TNNI3: variants seen among roughly 807,000 people sequenced by gnomAD.
TNNI3 encodes troponin I3, cardiac type.
In TNNI3, 23 loss-of-function variants were observed where a neutral mutation model predicts 31.5. The observed-to-expected ratio is 0.73, with a 90% CI of 0.52 to 1.03. TNNI3 has a LOEUF of 1.03. Ranked by LOEUF, TNNI3 falls within the 50% of genes least tolerant of loss-of-function variation. TNNI3 has a pLI of 0.00. For synonymous variants in TNNI3, 120 were observed against 111.7 expected, an observed-to-expected ratio of 1.07 and a Z score of -0.47; for missense variants, 236 against 282.9, an observed-to-expected ratio of 0.83 and a Z score of 1.19.
chr19:55,155,194 G>C (rs1481523341), intron 5 of TNNI3, among the ~76,000 whole-genome samples: 1 of 60,722 alleles, frequency 1.6e-5, no homozygotes, highest in Admixed American at 1.3e-4. Flanking sequence ...TTCAGGGTCT[G>C]AGGGAGGAGG....
rs2085731753 is a variant in TNNI3 at position 55,156,531 on chromosome 19, A to G, written c.150+72T>C. On this transcript the variant is annotated intron_variant, in intron 4 of 7. Coordinates refer to ENST00000344887, the MANE Select transcript of TNNI3 (RefSeq NM_000363.5). The surrounding 1 kb of genome is among the most constrained non-coding windows in gnomAD (Gnocchi z 4.6). ...CGCCCACTTCCGCCCACCTACCCCG[A>G]AAGCCCCACCCATTCTCAAGCTCCG... is the stretch of plus-strand genomic sequence containing the variant. The G allele has an allele frequency of 8.0e-6, 12 of 1,509,304 alleles. No homozygotes were observed. The highest frequency in any genetic ancestry group is 2.7e-6 in the Non-Finnish European group (3 of 1,113,986). The allele number at this position is 1,509,304 out of a possible 1,614,324, so 93.5% of individuals were successfully genotyped here. A position where few individuals can be genotyped will look rare whatever the true frequency, so the allele number is the denominator to read the frequency against.
chr19:55,157,544 G>T lies in TNNI3; in HGVS notation c.11+35C>A, dbSNP rs1417389481. 3 of 1,612,410 alleles carry T rather than the reference G, an allele frequency of 1.9e-6. No homozygotes were observed. In the East Asian group the frequency reaches 6.7e-5, roughly 36 times the overall value. On this transcript the variant is annotated intron_variant, in intron 1 of 7. Transcript: ENST00000344887. This position sits in a 1 kb window ranked among gnomAD's most constrained non-coding sequence, Gnocchi z 6.3. Reference sequence around the variant, plus strand: ...ACCCCTCTTGGGAACCCGGGAGGTCGCCCCCAACTCCCACTGCCTTGGGGC... The same window carrying T: ...ACCCCTCTTGGGAACCCGGGAGGTCTCCCCCAACTCCCACTGCCTTGGGGC...
Position 55,153,565 on chromosome 19 carries a change from C to T in TNNI3, c.549+465G>A, listed in dbSNP as rs149744344. ...AAGAAATTTGTAGAAATTAAAACAA[C>T]AACATGGTGGTGTGCACCTGTAGTC... On this transcript the variant is annotated intron_variant, in intron 7 of 7. Transcript: ENST00000344887. Among the ~76,000 whole-genome samples, 476 of 151,600 alleles carry T rather than the reference C, an allele frequency of 3.1e-3. 4 individuals are homozygous for T. The highest frequency in any genetic ancestry group is 0.011 in the African/African-American group (447 of 41,354).
chr19:55,156,570 T>A lies in TNNI3; in HGVS notation c.150+33A>T. On this transcript the variant is annotated intron_variant, in intron 4 of 7. Transcript: ENST00000344887. The surrounding 1 kb of genome is among the most constrained non-coding windows in gnomAD (Gnocchi z 4.6). ...TCTCAAGCTCCGCCCCCTGAGCACC[T>A]GCCTGCTCTTTCCCAGTCCCGCCCG... is the stretch of plus-strand genomic sequence containing the variant. 1.3e-6 allele frequency: 2 copies of A among 1,535,916 alleles called. No individual in the cohort carries two copies. Among genetic ancestry groups the A allele is most frequent in the Non-Finnish European group, 1.8e-6 (2 of 1,138,310 alleles).
In TNNI3 at chr19:55,157,004, G is replaced by C. The variant is rs772020937; in HGVS notation, c.108+46C>G. On this transcript the variant is annotated intron_variant, in intron 3 of 7. Coordinates refer to ENST00000344887, the MANE Select transcript of TNNI3 (RefSeq NM_000363.5). The surrounding 1 kb of genome is among the most constrained non-coding windows in gnomAD (Gnocchi z 6.3). Reference sequence around the variant, plus strand: ...TCCTCCCCCCACTCCCAGGGTCTTGGATCCCTCCGGCGCCTGTACTCTGCC... The same window carrying C: ...TCCTCCCCCCACTCCCAGGGTCTTGCATCCCTCCGGCGCCTGTACTCTGCC... 1 of 1,544,456 alleles carries C rather than the reference G, an allele frequency of 6.5e-7. No homozygotes were observed. Among genetic ancestry groups the C allele is most frequent in the Non-Finnish European group, 8.7e-7 (1 of 1,146,048 alleles).
At position 55,156,096 on chromosome 19, in the gene TNNI3, G is replaced by C; in HGVS notation, c.282+105C>G. The stretch of plus-strand genomic sequence containing the variant: ...AGTCCCACGAACCATATATAATTGG[G>C]TAAGGACAGCCATATTGGACGCCTG... On this transcript the variant is annotated intron_variant, in intron 5 of 7. Transcript: ENST00000344887. The surrounding 1 kb of genome is among the most constrained non-coding windows in gnomAD (Gnocchi z 4.6). 1 of 1,560,448 alleles carries C rather than the reference G, an allele frequency of 6.4e-7. No individual in the cohort carries two copies. The highest frequency in any genetic ancestry group is 1.7e-5 in the Admixed American group (1 of 58,504).
At position 55,157,345 on chromosome 19, in the gene TNNI3, G is replaced by T; in HGVS notation, c.12-37C>A. Reference sequence around the variant, plus strand: ...GAAACCAAGGAGGGGGGTTAGTGGTGGGCTGTGTCCTGTCTCCTAAGGGAC... The same window carrying T: ...GAAACCAAGGAGGGGGGTTAGTGGTTGGCTGTGTCCTGTCTCCTAAGGGAC... On this transcript the variant is annotated intron_variant, in intron 1 of 7. Transcript: ENST00000344887. This position sits in a 1 kb window ranked among gnomAD's most constrained non-coding sequence, Gnocchi z 6.3. The T allele has an allele frequency of 6.3e-7, 1 of 1,592,060 alleles. No individual in the cohort carries two copies. Among genetic ancestry groups the T allele is most frequent in the Non-Finnish European group, 8.5e-7 (1 of 1,176,954 alleles).
rs187819946 is a variant in TNNI3, at chr19:55,153,968, G to A, written c.549+62C>T. The A allele has an allele frequency of 1.1e-4, 170 of 1,592,222 alleles. No homozygotes were observed. In the African/African-American group the frequency reaches 2.0e-3, roughly 19 times the overall value. Reference sequence around the variant, plus strand: ...AGCACCATCTGCCCTCAGGCCTAGGGTTGTTGGCACCCACAGCCCTTCCCC... The same window carrying A: ...AGCACCATCTGCCCTCAGGCCTAGGATTGTTGGCACCCACAGCCCTTCCCC... On this transcript the variant is annotated intron_variant, in intron 7 of 7. Transcript: ENST00000344887.
Position 55,157,066 on chromosome 19 carries a change from G to C in TNNI3, c.92C>G (p.Thr31Arg). ...CCGTCCCACCTTGGCGTGCGGCTCC[G>C]TGGCATAAGCGCGGTAGTTGGAGGA... Reference protein sequence around the residue: ...RRSSNYRAYATEPHAKKKSKI... With the variant: ...RRSSNYRAYAREPHAKKKSKI... Residue 31 changes from threonine (T) to arginine (R), a missense_variant, in exon 3 of 8, where the codon ACG becomes AGG. Around this residue, in one of 4 missense-constraint regions of TNNI3, gnomAD observed 172 missense variants for 171.8 expected, o/e 1.00. Coordinates refer to ENST00000344887, the MANE Select transcript of TNNI3 (RefSeq NM_000363.5). This position sits in a 1 kb window ranked among gnomAD's most constrained non-coding sequence, Gnocchi z 6.3. The C allele has an allele frequency of 6.3e-7, 1 of 1,597,574 alleles. No individual in the cohort carries two copies. The highest frequency in any genetic ancestry group is 8.5e-7 in the Non-Finnish European group (1 of 1,174,556).
At position 55,156,400 on chromosome 19, in the gene TNNI3, C is replaced by T; in HGVS notation, c.151-68G>A. The T allele has an allele frequency of 2.6e-6, 4 of 1,560,458 alleles. No homozygotes were observed. Among genetic ancestry groups the T allele is most frequent in the Non-Finnish European group, 3.5e-6 (4 of 1,152,736 alleles). ...AGGATAAAGACCAGGCGTGGGGAAC[C>T]GCCTCTGCCCTTCTAAACCCTCCAG... On this transcript the variant is annotated intron_variant, in intron 4 of 7. Transcript: ENST00000344887. The surrounding 1 kb of genome is among the most constrained non-coding windows in gnomAD (Gnocchi z 4.6).
rs769300265 is a variant in TNNI3, at chr19:55,156,418, C to A, written c.151-86G>T. ...GGGGAACCGCCTCTGCCCTTCTAAA[C>A]CCTCCAGTTTGGTCTCCACTGTTCC... is the stretch of plus-strand genomic sequence containing the variant. On this transcript the variant is annotated intron_variant, in intron 4 of 7. Coordinates refer to ENST00000344887, the MANE Select transcript of TNNI3 (RefSeq NM_000363.5). The surrounding 1 kb of genome is among the most constrained non-coding windows in gnomAD (Gnocchi z 4.6). 1.3e-6 allele frequency: 2 copies of A among 1,537,436 alleles called. No homozygotes were observed. The highest frequency in any genetic ancestry group is 8.8e-7 in the Non-Finnish European group (1 of 1,139,548).
chr19:55,157,128 C>A lies in TNNI3; in HGVS notation c.30G>T (p.Arg10Ser), dbSNP rs2085738998. 6.2e-7 allele frequency: 1 copy of A among 1,601,062 alleles called. No individual in the cohort carries two copies. The highest frequency in any genetic ancestry group is 8.5e-7 in the Non-Finnish European group (1 of 1,175,618). Residue 10 changes from arginine to serine, a missense_variant, in exon 3 of 8, where the codon AGG becomes AGT. Transcript: ENST00000344887. The surrounding 1 kb of genome is among the most constrained non-coding windows in gnomAD (Gnocchi z 6.3). ...TTGGGGCTGGTGCAGGGCGAGGTTCCCTAGCCTGGGTTAGGAGGAGTGGGG... is the reference window on the plus strand; with the variant it reads ...TTGGGGCTGGTGCAGGGCGAGGTTCACTAGCCTGGGTTAGGAGGAGTGGGG... MADGSSDAA[R>S]EPRPAPAPIR...
intron 6 of TNNI3, chr19:55,154,464 G>A (rs2085714616): frequency 1.6e-6 from 1 of 621,132 alleles, no homozygotes; most frequent in Non-Finnish European, 2.9e-6. Flanking sequence ...CCTGGCCAGT[G>A]CCTGAGCTAA....
Position 55,157,646 on chromosome 19 carries a change from G to A in TNNI3, c.-57C>T, listed in dbSNP as rs915347684. 6.2e-6 allele frequency: 10 copies of A among 1,610,730 alleles called. No homozygotes were observed. The highest frequency in any genetic ancestry group is 8.5e-6 in the Non-Finnish European group (10 of 1,178,104). ...AGGGCGAGGACAGGGGCGTTTGGAGGGTCAGTGAGGGGGCCGCCCGGGTGA... is the reference window on the plus strand; with the variant it reads ...AGGGCGAGGACAGGGGCGTTTGGAGAGTCAGTGAGGGGGCCGCCCGGGTGA... On this transcript the variant is annotated 5_prime_UTR_variant, in exon 1 of 8. Transcript: ENST00000344887. The surrounding 1 kb of genome is among the most constrained non-coding windows in gnomAD (Gnocchi z 6.3).
At position 55,157,103 on chromosome 19, in the gene TNNI3, T is replaced by C. The variant is rs755862334; in HGVS notation, c.55A>G (p.Ile19Val). ...AREPRPAPAP[I>V]RRRSSNYRAY... The stretch of plus-strand genomic sequence containing the variant: ...CGGTAGTTGGAGGAGCGGCGTCTGA[T>C]TGGGGCTGGTGCAGGGCGAGGTTCC... Residue 19 changes from isoleucine (I) to valine (V), a missense_variant, in exon 3 of 8, where the codon ATC becomes GTC. By Grantham distance (29) the Ile-to-Val change is conservative (BLOSUM62 3). This residue lies in a region of TNNI3 where 172 missense variants were observed against 171.8 expected (regional missense o/e 1.00). Coordinates refer to ENST00000344887, the MANE Select transcript of TNNI3 (RefSeq NM_000363.5). The surrounding 1 kb of genome is among the most constrained non-coding windows in gnomAD (Gnocchi z 6.3). 13 of 1,602,902 alleles carry C rather than the reference T, an allele frequency of 8.1e-6. No homozygotes were observed. In the East Asian group the frequency reaches 2.0e-4, roughly 25 times the overall value.
rs76448268 is a variant in TNNI3, at chr19:55,153,765, T to G, written c.549+265A>C. On this transcript the variant is annotated intron_variant, in intron 7 of 7. Transcript: ENST00000344887. ...AAAAAAAAGGAAATTAAAAAAAAATTTTTTTTAAACCTCAAAGATTACAGG... is the reference window on the plus strand; with the variant it reads ...AAAAAAAAGGAAATTAAAAAAAAATGTTTTTTAAACCTCAAAGATTACAGG... Among the ~76,000 whole-genome samples, 328 of 152,322 alleles carry G rather than the reference T, an allele frequency of 2.2e-3. 2 individuals carry two copies. Among genetic ancestry groups the G allele is most frequent in the African/African-American group, 7.4e-3 (306 of 41,534 alleles).
chr19:55,156,947 C>G lies in TNNI3; in HGVS notation c.108+103G>C. On this transcript the variant is annotated intron_variant, in intron 3 of 7. Coordinates refer to ENST00000344887, the MANE Select transcript of TNNI3 (RefSeq NM_000363.5). The surrounding 1 kb of genome is among the most constrained non-coding windows in gnomAD (Gnocchi z 4.6). ...CAAAACTCCGCCCCTGAAGCCCCTC[C>G]GCGTAGTCCCCGCCCCCTTCGCAGC... 7.5e-7 allele frequency: 1 copy of G among 1,332,132 alleles called. No individual in the cohort carries two copies. The highest frequency in any genetic ancestry group is 1.0e-6 in the Non-Finnish European group (1 of 960,878). The allele number at this position is 1,332,132 out of a possible 1,614,324, so 82.5% of individuals were successfully genotyped here. A position where few individuals can be genotyped will look rare whatever the true frequency, so the allele number is the denominator to read the frequency against.
At position 55,157,480 on chromosome 19, in the gene TNNI3, G is replaced by A. The variant is rs3729708; in HGVS notation, c.11+99C>T. The A allele has an allele frequency of 3.8e-6, 6 of 1,582,356 alleles. No homozygotes were observed. The highest frequency in any genetic ancestry group is 5.2e-6 in the Non-Finnish European group (6 of 1,155,418). ...CCTCTCTTCACCCAAGAGTCCCTACGCCTACCTCGCAGGCCAAGGGTCCAG... is the reference window on the plus strand; with the variant it reads ...CCTCTCTTCACCCAAGAGTCCCTACACCTACCTCGCAGGCCAAGGGTCCAG... On this transcript the variant is annotated intron_variant, in intron 1 of 7. Coordinates refer to ENST00000344887, the MANE Select transcript of TNNI3 (RefSeq NM_000363.5). This position sits in a 1 kb window ranked among gnomAD's most constrained non-coding sequence, Gnocchi z 6.3.
Position 55,154,146 on chromosome 19 carries a change from G to T in TNNI3, c.433C>A (p.Arg145=). Residue 145 remains arginine (R), a synonymous_variant, in exon 7 of 8, where the codon CGG becomes AGG. Coordinates refer to ENST00000344887, the MANE Select transcript of TNNI3 (RefSeq NM_000363.5). ...LRGKFKRPTL[R]RVRISADAMM... ...GCATCTGCAGAGATCCTCACTCTCC[G>T]CAGGGTGGGCCGCTTAAACTTGCCT... is the stretch of plus-strand genomic sequence containing the variant. 1.2e-6 allele frequency: 2 copies of T among 1,613,130 alleles called. No individual in the cohort carries two copies. Among genetic ancestry groups the T allele is most frequent in the Non-Finnish European group, 1.7e-6 (2 of 1,180,000 alleles).
Sources: allele counts gnomAD v4.1 joint callset (sites outside exome capture counted in the v4.1 genomes callset), GRCh38; gene constraint gnomAD v4.1.1; regional missense constraint gnomAD v4.1.1; non-coding constraint Gnocchi (gnomAD v3.1); transcripts MANE v1.5; gene names NCBI Gene and HGNC (gene_info 2026-07-23, HGNC 2026-07-21).